Variants in SETD1B observed in about 807,000 individuals in gnomAD.
SETD1B encodes histone-lysine N-methyltransferase SETD1B.
SETD1B carries 7 observed loss-of-function variants against 148.0 expected under a neutral mutation model. The observed-to-expected ratio is 0.05, with a 90% CI of 0.03 to 0.09. The LOEUF is 0.09. Among genes scored for constraint, SETD1B ranks in the 10% least tolerant of loss-of-function variants. SETD1B has a pLI of 1.00. For missense variants in SETD1B, 2,155 were observed against 2,729.9 expected (o/e 0.79, Z 4.69); for synonymous variants, 1,361 against 1,186.5 (o/e 1.15, Z -3.02).
At chr12:121,796,767 C>T in the SETD1B span, among the ~76,000 whole-genome samples, 693 of 152,316 alleles carry the variant, frequency 4.5e-3, 4 homozygotes, top group African/African-American at 0.015. Context: ...TCCGGCCAGG[C>T]GCGGTGGCTC....
At position 121,808,353 on chromosome 12, in the gene SETD1B, C is replaced by T. The variant is rs2137548435; in HGVS notation, c.657+33C>T. 2 of 1,466,586 alleles carry T rather than the reference C, an allele frequency of 1.4e-6. No homozygotes were observed. Among genetic ancestry groups the T allele is most frequent in the East Asian group, 2.5e-5 (1 of 40,152 alleles). 90.8% of individuals were successfully genotyped at this position (1,466,586 alleles called of 1,614,324 possible). On this transcript the variant is annotated intron_variant, in intron 5 of 16. Coordinates refer to ENST00000604567, the MANE Select transcript of SETD1B (RefSeq NM_001353345.2). This position sits in a 1 kb window ranked among gnomAD's most constrained non-coding sequence, Gnocchi z 5.3. ...TATGGCCGTCAGTCTGCCCCATCGC[C>T]AGCTCTTTGATGTGCCCCCCACCTC... is the stretch of plus-strand genomic sequence containing the variant.
At chr12:121,799,978 G>A (rs1350841883), upstream of SETD1B, 1 of 152,266 alleles carries the variant, frequency 6.6e-6, no homozygotes, top group Non-Finnish European at 1.5e-5. Context: ...GAAGGTGGAG[G>A]GCGGATCAGG....
rs1877115243 is a variant in SETD1B at position 121,831,920 on chromosome 12, A to G, written c.*1681A>G. The G allele has an allele frequency of 6.6e-6, 1 of 150,756 alleles. No homozygotes were observed. Among genetic ancestry groups the G allele is most frequent in the Admixed American group, 6.6e-5 (1 of 15,134 alleles). The allele number at this position is 150,756 out of a possible 1,614,324, so 9.3% of individuals were successfully genotyped here. A position where few individuals can be genotyped will look rare whatever the true frequency, so the allele number is the denominator to read the frequency against. On this transcript the variant is annotated 3_prime_UTR_variant, in exon 17 of 17. Coordinates refer to ENST00000604567, the MANE Select transcript of SETD1B (RefSeq NM_001353345.2). ...TGTTTTTTTTTTATTCCTTTCCCCC[A>G]GGCCCTCTCTATTTGAGACTGTGCC...
chr12:121,800,769 C>T (rs2137531346), upstream of SETD1B: 1 of 148,822 alleles, frequency 6.7e-6, no homozygotes, highest in Admixed American at 6.7e-5. Context: ...CGCGCGACGC[C>T]CCCGAGGCCC....
At chr12:121,795,350 G>A in the SETD1B span, 2 of 152,388 alleles carry the variant, frequency 1.3e-5, no homozygotes, top group East Asian at 3.8e-4. Context: ...GCAGTGCAAT[G>A]GAGGTTGGAA....
intron 13 of SETD1B, among the ~76,000 whole-genome samples, chr12:121,826,003 C>T (rs745574286): frequency 1.3e-5 from 2 of 152,118 alleles, no homozygotes; most frequent in Admixed American, 6.6e-5. Context: ...GTGTACCGGG[C>T]ACTGTTCTGG....
At position 121,825,143 on chromosome 12, in the gene SETD1B, A is replaced by G. The variant is rs1046673672; in HGVS notation, c.5171-57A>G. On this transcript the variant is annotated intron_variant, in intron 12 of 16. Transcript: ENST00000604567. ...GTCTGAGGATGGGCGGGACCAGTCT[A>G]TGAAGGGACCAGAAGGGGCTCTCAG... is the stretch of plus-strand genomic sequence containing the variant. The G allele has an allele frequency of 3.3e-5, 50 of 1,522,188 alleles. 1 individual carries two copies. The South Asian group carries it at 5.4e-4, about 16-fold the overall frequency. 94.3% of individuals were successfully genotyped at this position (1,522,188 alleles called of 1,614,324 possible).
At chr12:121,797,716 CG>C in the SETD1B span, 1 of 415,500 alleles carries the variant, frequency 2.4e-6, no homozygotes, top group East Asian at 7.1e-5. Context: ...CGGAGAGCAA[CG>C]AAGACTCTAA....
rs891419102 is a variant in SETD1B, at chr12:121,819,398, A to G, written c.3419-6A>G. On this transcript the variant is annotated splice_polypyrimidine_tract_variant and splice_region_variant and intron_variant, in intron 10 of 16. Transcript: ENST00000604567. ...AGGCAGCCCCTCGTCTGTGTCCCCC[A>G]TCCAGAGGAGACAGTGAGCATTGTA... is the stretch of plus-strand genomic sequence containing the variant. 1.3e-6 allele frequency: 2 copies of G among 1,551,724 alleles called. No homozygotes were observed. The highest frequency in any genetic ancestry group is 1.7e-6 in the Non-Finnish European group (2 of 1,146,986).
intron 11 of SETD1B, 107 bp downstream of exon 11, chr12:121,820,002 C>A: frequency 1.1e-6 from 1 of 942,016 alleles, no homozygotes; most frequent in Non-Finnish European, 1.6e-6. Flanking sequence ...TCCCCAGCCT[C>A]AGTTTCCCGT....
upstream of SETD1B, chr12:121,799,998 G>GA (rs1491135004): frequency 2.0e-5 from 3 of 152,256 alleles, no homozygotes; most frequent in East Asian, 3.9e-4. Context: ...GGCGTTGGGG[G>GA]AGAGAGATGT....
chr12:121,827,861 A>C lies in SETD1B; in HGVS notation c.5589+7A>C. ...GGGCCAGAATATCCGTCAGGTAGGC[A>C]CCGCCCGGCAGGATGGGCACCGGGG... On this transcript the variant is annotated splice_region_variant and intron_variant, in intron 15 of 16. Coordinates refer to ENST00000604567, the MANE Select transcript of SETD1B (RefSeq NM_001353345.2). 1 of 1,555,570 alleles carries C rather than the reference A, an allele frequency of 6.4e-7. No homozygotes were observed. The highest frequency in any genetic ancestry group is 8.7e-7 in the Non-Finnish European group (1 of 1,148,874).
chr12:121,804,626 AG>A lies in SETD1B; in HGVS notation c.-14-93del. 2 of 984,638 alleles carry A rather than the reference AG, an allele frequency of 2.0e-6. No homozygotes were observed. Among genetic ancestry groups the A allele is most frequent in the Non-Finnish European group, 2.9e-6 (2 of 693,382 alleles). The allele number at this position is 984,638 out of a possible 1,614,324, so 61.0% of individuals were successfully genotyped here. A position where few individuals can be genotyped will look rare whatever the true frequency, so the allele number is the denominator to read the frequency against. On this transcript the variant is annotated intron_variant, in intron 1 of 16. Transcript: ENST00000604567. The surrounding 1 kb of genome is among the most constrained non-coding windows in gnomAD (Gnocchi z 4.6). ...TTTCGGGGCGCGCTGGCAAGGTGGGAGGGGGTGGGGGCCTGCCGATTGGATT... is the reference window on the plus strand; with the variant it reads ...TTTCGGGGCGCGCTGGCAAGGTGGGAGGGGTGGGGGCCTGCCGATTGGATT...
chr12:121,821,638 C>T (rs776681987), intron 11 of SETD1B, among the ~76,000 whole-genome samples: 2 of 151,402 alleles, frequency 1.3e-5, no homozygotes, highest in Admixed American at 1.3e-4. Context: ...GTAATCCCAG[C>T]GGCTTGGGAG....
chr12:121,828,906 G>A (rs1876964504), intron 16 of SETD1B, among the ~76,000 whole-genome samples: 1 of 152,250 alleles, frequency 6.6e-6, no homozygotes, highest in South Asian at 2.1e-4. Flanking sequence ...TCTCTTCGTT[G>A]TGACTTGATC....
intron 7 of SETD1B, among the ~76,000 whole-genome samples, chr12:121,815,823 C>CTTTTTTTT (rs994063316): frequency 1.7e-5 from 2 of 118,184 alleles, no homozygotes; most frequent in Non-Finnish European, 3.6e-5. Flanking sequence ...TCTTTTCTTT[C>CTTTTTTTT]TTTTTTTTTT....
chr12:121,810,572 C>T lies in SETD1B; in HGVS notation c.1627C>T (p.Leu543=). Reference sequence around the variant, plus strand: ...CTCCTCCTCCTCCCAGCTCTCCCCACTGGCCCCCTTTGGCACCAACTCCCA... The same window carrying T: ...CTCCTCCTCCTCCCAGCTCTCCCCATTGGCCCCCTTTGGCACCAACTCCCA... ...ISSSSSQLSP[L]APFGTNSQPG... is the part of the protein sequence containing the mutation. The change falls in exon 6 of 17, where the codon CTG becomes TTG. Residue 543 remains leucine, a synonymous_variant. Coordinates refer to ENST00000604567, the MANE Select transcript of SETD1B (RefSeq NM_001353345.2). This position sits in a 1 kb window ranked among gnomAD's most constrained non-coding sequence, Gnocchi z 7.6. The T allele has an allele frequency of 6.5e-7, 1 of 1,548,226 alleles. No individual in the cohort carries two copies. Among genetic ancestry groups the T allele is most frequent in the African/African-American group, 1.4e-5 (1 of 73,190 alleles).
rs2137543280 is a variant in SETD1B, at chr12:121,805,501, C to T, written c.273+285C>T. Among the ~76,000 whole-genome samples the T allele has an allele frequency of 6.6e-6, 1 of 152,234 alleles. No individual in the cohort carries two copies. Among genetic ancestry groups the T allele is most frequent in the East Asian group, 1.9e-4 (1 of 5,170 alleles). ...CCCCTCTCGCTAGCCCACTACAGGA[C>T]AACTTCTTAAGCCTGAGGGGTCGCC... is the stretch of plus-strand genomic sequence containing the variant. On this transcript the variant is annotated intron_variant, in intron 3 of 16. Transcript: ENST00000604567. This position sits in a 1 kb window ranked among gnomAD's most constrained non-coding sequence, Gnocchi z 4.2.
the SETD1B span, among the ~76,000 whole-genome samples, chr12:121,798,746 G>A: frequency 1.3e-5 from 2 of 152,298 alleles, no homozygotes; most frequent in East Asian, 1.9e-4. Context: ...GTGTGATCAG[G>A]AGCACCTGGA....
Sources: allele counts gnomAD v4.1 joint callset (sites outside exome capture counted in the v4.1 genomes callset), GRCh38; gene constraint gnomAD v4.1.1; non-coding constraint Gnocchi (gnomAD v3.1); transcripts MANE v1.5; gene names NCBI Gene and HGNC (gene_info 2026-07-23, HGNC 2026-07-21).